The following DOP1B variants were observed in gnomAD, a reference collection of about 807,000 sequenced individuals.
DOP1B encodes the protein protein DOP1B.
In DOP1B, 174 loss-of-function variants were observed where a neutral mutation model predicts 233.5. The observed-to-expected ratio is 0.75, with a 90% confidence interval of 0.66 to 0.85. The LOEUF (loss-of-function observed/expected upper bound fraction) is 0.85, where lower values mean the gene tolerates loss of function less well. Among genes scored for constraint, DOP1B ranks in the 40% least tolerant of loss-of-function variants. DOP1B has a pLI of 0.00. For synonymous variants in DOP1B, 1,190 were observed against 1,185.6 expected (o/e 1.00, Z -0.08); for missense variants, 2,652 against 2,846.6 (o/e 0.93, Z 1.56).
At chr21:36,158,915 G>A (rs1483171721) in intron 1 of DOP1B, among the ~76,000 whole-genome samples, 2 of 151,804 alleles carry the variant, frequency 1.3e-5, no homozygotes, top group African/African-American at 2.4e-5. Flanking sequence ...ATCACCTTAC[G>A]TCAGGAGTTT....
Position 36,253,841 on chromosome 21 carries a change from A to G in DOP1B, c.5191A>G (p.Thr1731Ala). The change falls in exon 23 of 37, where the codon ACT (threonine) becomes GCT (alanine). Residue 1731 changes from threonine to alanine, a missense_variant. Physicochemically the swap from Thr to Ala is moderately conservative, Grantham distance 58 (BLOSUM62 0). Transcript: ENST00000691173. ...DLVCALSTLQ[T>A]DTLLHLVKEV... ...GGTGTGTGCACTCAGCACCCTGCAG[A>G]CTGACACGCTGCTGCACCTGGTGAA... 2 of 1,614,040 alleles carry G rather than the reference A, an allele frequency of 1.2e-6. No homozygotes were observed. Among genetic ancestry groups the G allele is most frequent in the Non-Finnish European group, 8.5e-7 (1 of 1,180,008 alleles).
intron 23 of DOP1B, among the ~76,000 whole-genome samples, chr21:36,257,596 T>TGATAGATAGATAGATA (rs34032773): frequency 4.0e-5 from 6 of 150,082 alleles, no homozygotes; most frequent in Non-Finnish European, 7.4e-5. Flanking sequence ...CGTAGATAGA[T>TGATAGATAGATAGATA]GATAGATAGA....
chr21:36,259,264 CT>C lies in DOP1B; in HGVS notation c.5260-1399del, dbSNP rs11411588. ...ACAGGCGTGAGCCACTGCGCCCGGG[CT>C]TTTTTTTTTTTTTCTTTTTTTTTGA... On this transcript the variant is annotated intron_variant, in intron 23 of 36. Coordinates refer to ENST00000691173, the MANE Select transcript of DOP1B (RefSeq NM_001320714.2). Among the ~76,000 whole-genome samples the C allele has an allele frequency of 9.7e-3, 1,325 of 136,590 alleles. 16 individuals carry two copies. The highest frequency in any genetic ancestry group is 0.032 in the African/African-American group (1,183 of 36,418). 89.6% of individuals were successfully genotyped at this position (136,590 alleles called of 152,430 possible).
At position 36,280,010 on chromosome 21, in the gene DOP1B, G is replaced by C. The variant is rs571873537; in HGVS notation, c.5970-275G>C. Among the ~76,000 whole-genome samples, 20 of 152,200 alleles carry C rather than the reference G, an allele frequency of 1.3e-4. No individual in the cohort carries two copies. In the South Asian group the frequency reaches 4.1e-3, roughly 32 times the overall value. On this transcript the variant is annotated intron_variant, in intron 30 of 36. Coordinates refer to ENST00000691173, the MANE Select transcript of DOP1B (RefSeq NM_001320714.2). ...CCTGCCTCAGCCTCCTGAGTAGCTG[G>C]GATTACAGGCATGCGCCACCACGCC...
At chr21:36,196,333 G>C (rs117285961) in intron 2 of DOP1B, among the ~76,000 whole-genome samples, 7 of 152,178 alleles carry the variant, frequency 4.6e-5, no homozygotes. Context: ...GTTTTCTGCG[G>C]GCTGGCTGGG....
At chr21:36,264,872 T>G (rs2067215145) in intron 26 of DOP1B, among the ~76,000 whole-genome samples, 1 of 152,200 alleles carries the variant, frequency 6.6e-6, no homozygotes, top group Admixed American at 6.5e-5. Context: ...AAACTCATCA[T>G]AGGAGAAGGA....
chr21:36,205,447 G>C (rs944509404), intron 4 of DOP1B, among the ~76,000 whole-genome samples: 1 of 151,960 alleles, frequency 6.6e-6, no homozygotes, highest in Non-Finnish European at 1.5e-5. Flanking sequence ...GGAGTGCAGC[G>C]GTGCAATCTT....
chr21:36,220,825 C>T (rs1049484613), intron 10 of DOP1B, among the ~76,000 whole-genome samples: 2 of 151,798 alleles, frequency 1.3e-5, no homozygotes, highest in African/African-American at 2.4e-5. Flanking sequence ...TGTCACTCTC[C>T]AGCATGACAA....
intron 27 of DOP1B, among the ~76,000 whole-genome samples, chr21:36,271,028 A>T (rs1311831757): frequency 6.6e-6 from 1 of 151,694 alleles, no homozygotes; most frequent in Non-Finnish European, 1.5e-5. Context: ...AAAAGAAAAC[A>T]TATATCAAAA....
At chr21:36,231,644 C>T (rs61691938) in intron 14 of DOP1B, among the ~76,000 whole-genome samples, 15,792 of 150,492 alleles carry the variant, frequency 0.1, 1,124 homozygotes, top group East Asian at 0.25. Flanking sequence ...TTCATGATGC[C>T]TGTTGATAAA....
chr21:36,225,572 A>G lies in DOP1B; in HGVS notation c.1378A>G (p.Lys460Glu). Reference sequence around the variant, plus strand: ...CTTTGCTGTGATTTATAGACCAGTGAAGCAGCGTTACAGCGTGAGGAACAG... The same window carrying G: ...CTTTGCTGTGATTTATAGACCAGTGGAGCAGCGTTACAGCGTGAGGAACAG... ...RCFEECFRPVKQRYSVRNSVS... is the reference protein window; with the variant it reads ...RCFEECFRPVEQRYSVRNSVS... The change falls in exon 12 of 37, where the codon AAG becomes GAG. Residue 460 changes from lysine (K) to glutamate (E), a missense_variant. Around this residue, in one of 3 missense-constraint regions of DOP1B, gnomAD observed 2,617 missense variants for 2,794.3 expected, o/e 0.94. Transcript: ENST00000691173. 2 of 1,614,048 alleles carry G rather than the reference A, an allele frequency of 1.2e-6. No homozygotes were observed. The highest frequency in any genetic ancestry group is 1.1e-5 in the South Asian group (1 of 91,068).
In DOP1B at chr21:36,169,336, C is replaced by G. The variant is rs145813264; in HGVS notation, c.138+4465C>G. ...AGCCCTGGTCAATCTTACAGATCTT[C>G]TTGTTGATCTCAGTGTGGTGATGGT... On this transcript the variant is annotated intron_variant, in intron 2 of 36. Coordinates refer to ENST00000691173, the MANE Select transcript of DOP1B (RefSeq NM_001320714.2). The G allele has an allele frequency of 1.1e-3, 858 of 783,056 alleles. 3 individuals carry two copies. In the Middle Eastern group the frequency reaches 0.015, roughly 13 times the overall value. 48.5% of individuals were successfully genotyped at this position (783,056 alleles called of 1,614,324 possible). A position where few individuals can be genotyped will look rare whatever the true frequency, so the allele number is the denominator to read the frequency against.
At chr21:36,260,064 G>C (rs561651944) in intron 23 of DOP1B, among the ~76,000 whole-genome samples, 1 of 151,692 alleles carries the variant, frequency 6.6e-6, no homozygotes, top group Non-Finnish European at 1.5e-5. Flanking sequence ...GCTGAGGCAC[G>C]AGGATCGCTT....
At chr21:36,168,748 G>A (rs1420465146) in intron 2 of DOP1B, among the ~76,000 whole-genome samples, 1 of 151,854 alleles carries the variant, frequency 6.6e-6, no homozygotes. Flanking sequence ...GGCCAGGCTG[G>A]TCTCGAACTC....
At position 36,292,197 on chromosome 21, in the gene DOP1B, T is replaced by C; in HGVS notation, c.6609T>C (p.Thr2203=). The C allele has an allele frequency of 1.2e-6, 2 of 1,609,550 alleles. No individual in the cohort carries two copies. The highest frequency in any genetic ancestry group is 1.7e-6 in the Non-Finnish European group (2 of 1,178,602). The part of the protein sequence containing the change: ...EENHQECKPH[T]VRILELLKLK... Reference sequence around the variant, plus strand: ...ATCACCAAGAATGCAAACCCCACACTGTCAGGATTCTAGAACTTCTAAAAT... The same window carrying C: ...ATCACCAAGAATGCAAACCCCACACCGTCAGGATTCTAGAACTTCTAAAAT... Residue 2203 remains threonine (T), a synonymous_variant, in exon 36 of 37, where the codon ACT becomes ACC. Coordinates refer to ENST00000691173, the MANE Select transcript of DOP1B (RefSeq NM_001320714.2).
intron 27 of DOP1B, among the ~76,000 whole-genome samples, 200 bp from the exon 28 acceptor site, chr21:36,276,821 A>C (rs931248615): frequency 2.1e-5 from 3 of 145,946 alleles, no homozygotes; most frequent in Non-Finnish European, 4.5e-5. Context: ...AGCCTGGGTG[A>C]CAGGGTGAGA....
At chr21:36,274,612 C>T (rs1311420664) in intron 27 of DOP1B, among the ~76,000 whole-genome samples, 4 of 151,854 alleles carry the variant, frequency 2.6e-5, no homozygotes, top group Admixed American at 6.6e-5. Flanking sequence ...GGCAGACACA[C>T]GGTGGAGGGC....
At chr21:36,276,893 G>T in intron 27 of DOP1B, 128 bp from the exon 28 acceptor site, 6 of 717,654 alleles carry the variant, frequency 8.4e-6, no homozygotes, top group Non-Finnish European at 1.2e-5. Context: ...AGGAATACCT[G>T]AGTCATATGG....
chr21:36,260,945 A>C, intron 24 of DOP1B: 1 of 1,360,576 alleles, frequency 7.3e-7, no homozygotes, highest in Non-Finnish European at 9.4e-7. Flanking sequence ...GCGTACTTTG[A>C]ACACTTTATA....
Sources: gnomAD v4.1 joint callset for allele counts (sites outside exome capture counted in the v4.1 genomes callset) on GRCh38, gnomAD v4.1.1 for gene constraint, gnomAD v4.1.1 regional missense constraint, MANE v1.5 for transcripts, NCBI Gene and HGNC (gene_info 2026-07-23, HGNC 2026-07-21) for gene names.